Variants in KDM4C observed in about 807,000 individuals in gnomAD.
KDM4C encodes lysine demethylase 4C, also known as lysine-specific demethylase 4C.
In KDM4C, 81 loss-of-function variants were observed where a neutral mutation model predicts 129.3. The observed-to-expected ratio is 0.63, with a 90% CI of 0.52 to 0.75. KDM4C has a LOEUF of 0.75. KDM4C is among the 30% of genes least tolerant of loss of function. The pLI, the probability that KDM4C is intolerant of heterozygous loss-of-function variation, is 0.00. For missense variants in KDM4C, 1,457 were observed against 1,304.0 expected, an observed-to-expected ratio of 1.12 and a Z score of -1.81; for synonymous variants, 573 against 456.1, an observed-to-expected ratio of 1.26 and a Z score of -3.26.
intron 4 of KDM4C, chr9:6,835,322 AAG>A (rs1275201683): frequency 1.1e-6 from 1 of 944,950 alleles, no homozygotes; most frequent in Admixed American, 1.7e-5. Flanking sequence ...GACATCCACA[AAG>A]ACCTTTACGC....
intron 13 of KDM4C, 44 bp downstream of exon 13, chr9:7,011,923 C>T (rs370944118): frequency 2.0e-6 from 3 of 1,491,718 alleles, no homozygotes; most frequent in African/African-American, 1.4e-5. Flanking sequence ...GCTCTGCCTT[C>T]CATGTGACCA....
chr9:6,987,429 T>C lies in KDM4C; in HGVS notation c.1677+763T>C, dbSNP rs191504832. Among the ~76,000 whole-genome samples the C allele has an allele frequency of 7.4e-3, 1,127 of 152,304 alleles. 11 individuals carry two copies. Among genetic ancestry groups the C allele is most frequent in the African/African-American group, 0.026 (1,077 of 41,560 alleles). On this transcript the variant is annotated intron_variant, in intron 11 of 21. Coordinates refer to ENST00000381309, the MANE Select transcript of KDM4C (RefSeq NM_015061.6). ...CTGTCCATGTAGCCATAAGAGTGGA[T>C]CAGGGGAGCTAGGACTGTCTGTAGC...
At chr9:6,913,693 A>G (rs897103102) in intron 8 of KDM4C, among the ~76,000 whole-genome samples, 1 of 152,206 alleles carries the variant, frequency 6.6e-6, no homozygotes, top group African/African-American at 2.4e-5. Flanking sequence ...GAAAGCTAGC[A>G]CATGGGAAAA....
chr9:6,960,541 G>A (rs566529445), intron 8 of KDM4C, among the ~76,000 whole-genome samples: 9,606 of 152,142 alleles, frequency 0.063, 730 homozygotes, highest in African/African-American at 0.18. Flanking sequence ...TTACAGGCAT[G>A]AGTCACTGTG....
intron 17 of KDM4C, among the ~76,000 whole-genome samples, chr9:7,098,412 A>G (rs1836696745): frequency 6.6e-6 from 1 of 152,226 alleles, no homozygotes; most frequent in African/African-American, 2.4e-5. Context: ...GATTTAATTC[A>G]ACACACTTGG....
chr9:7,024,546 A>G lies in KDM4C; in HGVS notation c.2259+8617A>G, dbSNP rs1211707641. Among the ~76,000 whole-genome samples, 3 of 143,842 alleles carry G rather than the reference A, an allele frequency of 2.1e-5. No individual in the cohort carries two copies. In the Admixed American group the frequency reaches 2.1e-4, roughly 10 times the overall value. The allele number at this position is 143,842 out of a possible 152,430, so 94.4% of individuals were successfully genotyped here. ...CCCCTTCCTGTGTCCATGTGTTCTCATTGTTCAATTCCCACCTGTGAGTGA... is the reference window on the plus strand; with the variant it reads ...CCCCTTCCTGTGTCCATGTGTTCTCGTTGTTCAATTCCCACCTGTGAGTGA... On this transcript the variant is annotated intron_variant, in intron 15 of 21. Transcript: ENST00000381309.
At chr9:7,111,770 T>C (rs1196211542) in intron 18 of KDM4C, among the ~76,000 whole-genome samples, 1 of 152,184 alleles carries the variant, frequency 6.6e-6, no homozygotes, top group Non-Finnish European at 1.5e-5. Context: ...GTGATCAGAA[T>C]GTGAAGACTG....
intron 2 of KDM4C, among the ~76,000 whole-genome samples, chr9:6,800,246 A>G (rs988571143): frequency 1.3e-5 from 2 of 152,136 alleles, no homozygotes; most frequent in African/African-American, 4.8e-5. Flanking sequence ...GCACATCTGT[A>G]ATCCCAGCTC....
At chr9:6,924,643 CTGATTATTCCAACGT>C in intron 8 of KDM4C, 2 of 507,060 alleles carry the variant, frequency 3.9e-6, no homozygotes, top group Non-Finnish European at 5.1e-6. Context: ...TAGATCTTCT[CTGATTATTCCAACGT>C]TGAATGTTAC....
rs373633491 is a variant in KDM4C at position 6,984,242 on chromosome 9, G to A, written c.1192G>A (p.Ala398Thr). The stretch of plus-strand genomic sequence containing the variant: ...GGAAGTGTCAGATGAAGTCGATGGG[G>A]CAGAGGTCCCTAACCCCGACTCAGT... Reference protein sequence around the residue: ...EEEVSDEVDGAEVPNPDSVTD... With the variant: ...EEEVSDEVDGTEVPNPDSVTD... Residue 398 changes from alanine to threonine, a missense_variant, in exon 10 of 22, where the codon GCA (alanine) becomes ACA (threonine). Ala to Thr is a moderately conservative substitution (Grantham distance 58). Coordinates refer to ENST00000381309, the MANE Select transcript of KDM4C (RefSeq NM_015061.6). 4 of 1,613,810 alleles carry A rather than the reference G, an allele frequency of 2.5e-6. No homozygotes were observed. The highest frequency in any genetic ancestry group is 2.7e-5 in the African/African-American group (2 of 74,918).
rs776618968 is a variant in KDM4C at position 6,984,403 on chromosome 9, A to G, written c.1353A>G (p.Ser451=). 3 of 1,592,468 alleles carry G rather than the reference A, an allele frequency of 1.9e-6. No individual in the cohort carries two copies. Among genetic ancestry groups the G allele is most frequent in the South Asian group, 2.2e-5 (2 of 90,292 alleles). ...EQNLSDHIKL[S]GNSCLSTSVT... is the part of the protein sequence containing the mutation. ...ATTTATCAGATCATATCAAACTCTC[A>G]GGTGAGAAGATGGTTGATTAGGTTT... Residue 451 remains serine (S), a splice_region_variant and synonymous_variant, in exon 10 of 22, where the codon TCA becomes TCG. Coordinates refer to ENST00000381309, the MANE Select transcript of KDM4C (RefSeq NM_015061.6).
At chr9:7,087,172 G>A (rs1033330131) in intron 17 of KDM4C, among the ~76,000 whole-genome samples, 2 of 151,202 alleles carry the variant, frequency 1.3e-5, no homozygotes, top group South Asian at 4.2e-4. Flanking sequence ...TCTGACCAGC[G>A]TGCGTTTAGG....
chr9:6,730,124 A>G (rs983228125), intron 1 of KDM4C, among the ~76,000 whole-genome samples: 1 of 151,526 alleles, frequency 6.6e-6, no homozygotes, highest in African/African-American at 2.4e-5. Context: ...AAAAGAAAAA[A>G]AAAAAGGCTT....
At chr9:6,749,893 C>T (rs962448566) in intron 1 of KDM4C, among the ~76,000 whole-genome samples, 9 of 137,234 alleles carry the variant, frequency 6.6e-5, no homozygotes, top group African/African-American at 2.4e-4. Flanking sequence ...GGCCGAGGCA[C>T]AAGAATCACT....
At chr9:6,812,552 C>CCTA (rs1334685373) in intron 3 of KDM4C, among the ~76,000 whole-genome samples, 1 of 152,122 alleles carries the variant, frequency 6.6e-6, no homozygotes, top group African/African-American at 2.4e-5. Flanking sequence ...GCAACCTAGA[C>CCTA]CCCTCACATG....
At chr9:7,049,937 G>A (rs1829913681) in intron 17 of KDM4C, among the ~76,000 whole-genome samples, 1 of 152,074 alleles carries the variant, frequency 6.6e-6, no homozygotes, top group Non-Finnish European at 1.5e-5. Flanking sequence ...CTTACAGGTG[G>A]ACTTAAAACT....
At chr9:6,753,684 A>C (rs1422871895), upstream of KDM4C, among the ~76,000 whole-genome samples, 2 of 152,148 alleles carry the variant, frequency 1.3e-5, no homozygotes, top group African/African-American at 4.8e-5. Context: ...GCATTATCCC[A>C]TGGCAGAAGG....
At chr9:7,046,028 T>G (rs1829339592) in intron 15 of KDM4C, among the ~76,000 whole-genome samples, 1 of 151,990 alleles carries the variant, frequency 6.6e-6, no homozygotes, top group African/African-American at 2.4e-5. Flanking sequence ...ATTTAAAAAA[T>G]GTATTAATGC....
At chr9:7,040,581 G>C (rs1368756413) in intron 15 of KDM4C, among the ~76,000 whole-genome samples, 1 of 151,740 alleles carries the variant, frequency 6.6e-6, no homozygotes. Context: ...GATCTCCTGG[G>C]GACAAATTCT....
Sources: allele counts gnomAD v4.1 joint callset (sites outside exome capture counted in the v4.1 genomes callset), GRCh38; gene constraint gnomAD v4.1.1; transcripts MANE v1.5; gene names NCBI Gene and HGNC (gene_info 2026-07-23, HGNC 2026-07-21).